MACF1: variants seen among roughly 807,000 people sequenced by gnomAD.
MACF1 encodes the protein microtubule actin crosslinking factor 1, also known as microtubule-actin cross-linking factor 1.
In MACF1, 193 loss-of-function variants were observed where a neutral mutation model predicts 854.8. The observed-to-expected ratio is 0.23, with a 90% CI of 0.20 to 0.25. The LOEUF (loss-of-function observed/expected upper bound fraction) is 0.25. Among genes scored for constraint, MACF1 ranks in the 10% least tolerant of loss-of-function variants. MACF1 has a pLI of 1.00. For synonymous variants in MACF1, 3,185 were observed against 3,226.7 expected (o/e 0.99, Z 0.44); for missense variants, 7,722 against 8,929.1 (o/e 0.86, Z 5.45).
chr1:39,333,485 T>A lies in MACF1; in HGVS notation c.6897T>A (p.His2299Gln). ...SAQLLDGGIF[H>Q]EQTGQKLLLN... ...AGTTACTAGATGGTGGTATCTTTCATGAACAAACAGGTCAAAAGCTCTTAC... is the reference window on the plus strand; with the variant it reads ...AGTTACTAGATGGTGGTATCTTTCAAGAACAAACAGGTCAAAAGCTCTTAC... The change falls in exon 37 of 101, where the codon CAT (histidine) becomes CAA (glutamine). Residue 2299 changes from histidine (H) to glutamine (Q), a missense_variant. Transcript: ENST00000564288. The A allele has an allele frequency of 6.2e-7, 1 of 1,614,210 alleles. No individual in the cohort carries two copies. The highest frequency in any genetic ancestry group is 8.5e-7 in the Non-Finnish European group (1 of 1,180,024).
rs1250838244 is a variant in MACF1 at position 39,444,744 on chromosome 1, A to G, written c.19514A>G (p.Asp6505Gly). Residue 6505 changes from aspartate to glycine, a missense_variant, in exon 80 of 101, where the codon GAC becomes GGC. Around this residue, in one of 15 missense-constraint regions of MACF1, gnomAD observed 729 missense variants for 900.5 expected, o/e 0.81. Coordinates refer to ENST00000564288, the MANE Select transcript of MACF1 (RefSeq NM_001394062.1). ...DKGRLMLLSR[D>G]DSGSGSKTEQ... ...GGCAGACTCATGCTTCTAAGCCGTGACGACTCTGGGTCTGGCTCCAAGACA... is the reference window on the plus strand; with the variant it reads ...GGCAGACTCATGCTTCTAAGCCGTGGCGACTCTGGGTCTGGCTCCAAGACA... The G allele has an allele frequency of 6.2e-7, 1 of 1,614,220 alleles. No homozygotes were observed. Among genetic ancestry groups the G allele is most frequent in the South Asian group, 1.1e-5 (1 of 91,086 alleles).
chr1:39,153,043 G>A (rs1011661833), intron 2 of MACF1, among the ~76,000 whole-genome samples: 8 of 152,156 alleles, frequency 5.3e-5, no homozygotes, highest in African/African-American at 1.9e-4. Context: ...TATCCTCTGG[G>A]TTTTGATGGA....
chr1:39,394,680 G>C (rs1642203255), intron 58 of MACF1, among the ~76,000 whole-genome samples: 1 of 152,170 alleles, frequency 6.6e-6, no homozygotes, highest in Non-Finnish European at 1.5e-5. Flanking sequence ...TTGAAAGACT[G>C]CCAGTTTACT....
At chr1:39,190,076 C>T (rs1383951288) in intron 2 of MACF1, among the ~76,000 whole-genome samples, 1 of 152,100 alleles carries the variant, frequency 6.6e-6, no homozygotes, top group Non-Finnish European at 1.5e-5. Context: ...GACCTATAAT[C>T]GTCTCTAGTT....
At chr1:39,349,283 A>G (rs1290620543) in intron 41 of MACF1, among the ~76,000 whole-genome samples, 195 bp from the exon 42 acceptor site, 1 of 152,230 alleles carries the variant, frequency 6.6e-6, no homozygotes, top group Non-Finnish European at 1.5e-5. Context: ...TATCCAATCC[A>G]TAGACCCAGA....
intron 66 of MACF1, among the ~76,000 whole-genome samples, chr1:39,431,686 G>T (rs957771964): frequency 1.3e-5 from 2 of 152,138 alleles, no homozygotes; most frequent in Non-Finnish European, 2.9e-5. Flanking sequence ...AGACTGGAGA[G>T]GTCAGGCATA....
At chr1:39,438,225 A>G (rs1644022496) in intron 71 of MACF1, among the ~76,000 whole-genome samples, 1 of 152,232 alleles carries the variant, frequency 6.6e-6, no homozygotes, top group African/African-American at 2.4e-5. Flanking sequence ...CAGGCCAGGA[A>G]ACAAAAGCTC....
chr1:39,379,624 T>G lies in MACF1; in HGVS notation c.13518+180T>G, dbSNP rs79522721. Among the ~76,000 whole-genome samples, 8,476 of 152,292 alleles carry G rather than the reference T, an allele frequency of 0.056. 303 individuals carry two copies. The highest frequency in any genetic ancestry group is 0.098 in the African/African-American group (4,072 of 41,542). On this transcript the variant is annotated intron_variant, in intron 54 of 100. Coordinates refer to ENST00000564288, the MANE Select transcript of MACF1 (RefSeq NM_001394062.1). ...TTAACTCTCCTAGAGAATTTTCTTATGAAATTAGAAATTGTTATAAGTTAG... is the reference window on the plus strand; with the variant it reads ...TTAACTCTCCTAGAGAATTTTCTTAGGAAATTAGAAATTGTTATAAGTTAG...
At position 39,336,577 on chromosome 1, in the gene MACF1, A is replaced by G. The variant is rs1466066514; in HGVS notation, c.9989A>G (p.Glu3330Gly). ...AAGCTCAGAGAAAGCCCTGGCAGTG[A>G]ACAAACTCCCTTCATGACTGCACCT... ...QEKLRESPGS[E>G]QTPFMTAPEG... is the part of the protein sequence containing the mutation. The change falls in exon 37 of 101, where the codon GAA (glutamate) becomes GGA (glycine). Residue 3330 changes from glutamate to glycine, a missense_variant. Coordinates refer to ENST00000564288, the MANE Select transcript of MACF1 (RefSeq NM_001394062.1). 1.2e-6 allele frequency: 2 copies of G among 1,614,046 alleles called. No individual in the cohort carries two copies. Among genetic ancestry groups the G allele is most frequent in the African/African-American group, 2.7e-5 (2 of 74,932 alleles).
intron 56 of MACF1, among the ~76,000 whole-genome samples, 155 bp downstream of exon 56, chr1:39,382,307 T>A (rs558909347): frequency 5.9e-5 from 9 of 152,294 alleles, no homozygotes; most frequent in African/African-American, 2.2e-4. Flanking sequence ...TCATGGTGCC[T>A]GTAAAATAGT....
At chr1:39,117,533 G>GGTGTGTGT (rs67609869) in intron 2 of MACF1, among the ~76,000 whole-genome samples, 3,692 of 147,672 alleles carry the variant, frequency 0.025, 47 homozygotes, top group South Asian at 0.042. Context: ...ACCTGCAAGA[G>GGTGTGTGT]GTGTGTGTGT....
chr1:39,125,034 G>T (rs1642823040), intron 2 of MACF1, among the ~76,000 whole-genome samples: 1 of 152,124 alleles, frequency 6.6e-6, no homozygotes, highest in African/African-American at 2.4e-5. Flanking sequence ...TGTGACCTTG[G>T]TCAAGTCACT....
Position 39,448,298 on chromosome 1 carries a change from A to C in MACF1, c.20088+146A>C, listed in dbSNP as rs976548534. The C allele has an allele frequency of 4.3e-6, 4 of 933,060 alleles. No individual in the cohort carries two copies. The African/African-American group carries it at 6.6e-5, about 16-fold the overall frequency. The allele number at this position is 933,060 out of a possible 1,614,324, so 57.8% of individuals were successfully genotyped here. On this transcript the variant is annotated intron_variant, in intron 83 of 100. Coordinates refer to ENST00000564288, the MANE Select transcript of MACF1 (RefSeq NM_001394062.1). ...AATGATGAAGCCAGGGTTCCATTTT[A>C]TATCTAGATGGTCTAATCATGATAT...
chr1:39,388,221 C>T lies in MACF1; in HGVS notation c.15379C>T (p.Arg5127Trp), dbSNP rs184827427. 1.7e-5 allele frequency: 28 copies of T among 1,614,116 alleles called. No individual in the cohort carries two copies. The highest frequency in any genetic ancestry group is 1.9e-5 in the Non-Finnish European group (23 of 1,180,016). ...KLEGIGQFHCRVREMFSQLAD... is the reference protein window; with the variant it reads ...KLEGIGQFHCWVREMFSQLAD... ...GGAGGGGATTGGCCAGTTTCACTGC[C>T]GGGTCCGAGAGATGTTCTCTCAATT... The change falls in exon 58 of 101, where the codon CGG becomes TGG. Residue 5127 changes from arginine to tryptophan, a missense_variant. Arg to Trp is a moderately radical substitution (Grantham distance 101). Coordinates refer to ENST00000564288, the MANE Select transcript of MACF1 (RefSeq NM_001394062.1).
intron 6 of MACF1, among the ~76,000 whole-genome samples, chr1:39,265,305 G>A (rs1448350083): frequency 2.0e-5 from 3 of 152,072 alleles, no homozygotes; most frequent in East Asian, 3.9e-4. Context: ...GGCTGTCTCT[G>A]TGGGAGACCT....
intron 93 of MACF1, among the ~76,000 whole-genome samples, chr1:39,462,351 A>G (rs887106994): frequency 6.6e-6 from 1 of 152,074 alleles, no homozygotes; most frequent in Non-Finnish European, 1.5e-5. Context: ...GGATGGACTC[A>G]TCTCACTCTT....
chr1:39,299,373 C>T, intron 21 of MACF1: 1 of 440,806 alleles, frequency 2.3e-6, no homozygotes, highest in Non-Finnish European at 4.5e-6. Flanking sequence ...CTAAGAAAGC[C>T]CTCTTCTGGG....
intron 58 of MACF1, chr1:39,412,833 G>C: frequency 6.2e-7 from 1 of 1,612,178 alleles, no homozygotes; most frequent in Non-Finnish European, 8.5e-7. Flanking sequence ...GCCCAGAGGA[G>C]GGTACCTCAA....
intron 2 of MACF1, among the ~76,000 whole-genome samples, chr1:39,169,756 C>CCTTTCTTT (rs1181204871): frequency 1.3e-5 from 2 of 148,294 alleles, no homozygotes; most frequent in African/African-American, 5.0e-5. Context: ...CTCTCCTTGC[C>CCTTTCTTT]CTTTCTTTCT....
Sources: gnomAD v4.1 joint callset for allele counts (sites outside exome capture counted in the v4.1 genomes callset) on GRCh38, gnomAD v4.1.1 for gene constraint, gnomAD v4.1.1 regional missense constraint, MANE v1.5 for transcripts, NCBI Gene and HGNC (gene_info 2026-07-23, HGNC 2026-07-21) for gene names.